The following NOTCH1 variants were observed in gnomAD, a reference collection of about 807,000 sequenced individuals.
NOTCH1 encodes the protein neurogenic locus notch homolog protein 1.
Under a neutral mutation model 254.8 loss-of-function variants are expected in NOTCH1, and 37 were observed. The ratio of observed to expected loss-of-function variants is 0.15; its 90% confidence interval spans 0.11 to 0.19. The LOEUF is 0.19. NOTCH1 is among the 10% of genes least tolerant of loss of function. The pLI, the probability that NOTCH1 is intolerant of heterozygous loss-of-function variation, is 1.00. For synonymous variants in NOTCH1, 1,731 were observed against 1,618.1 expected (o/e 1.07, Z -1.68); for missense variants, 2,972 against 3,708.6 (o/e 0.80, Z 5.16).
Position 136,509,049 on chromosome 9 carries a change from A to G in NOTCH1, c.2992T>C (p.Cys998Arg). Residue 998 changes from cysteine (C) to arginine (R), a missense_variant, in exon 19 of 34, where the codon TGC (cysteine) becomes CGC (arginine). Transcript: ENST00000651671. ...TESSCFNGGT[C>R]VDGINSFTCL... is the part of the protein sequence containing the mutation. ...GTGAACGAGTTGATGCCGTCCACGC[A>G]GGTGCCACCGTTGAAGCAGGAGCTG... 6.4e-7 allele frequency: 1 copy of G among 1,559,534 alleles called. No individual in the cohort carries two copies. The highest frequency in any genetic ancestry group is 8.7e-7 in the Non-Finnish European group (1 of 1,152,628).
intron 27 of NOTCH1, 85 bp from the exon 28 acceptor site, chr9:136,502,573 G>A: frequency 1.2e-6 from 1 of 845,128 alleles, no homozygotes; most frequent in South Asian, 1.9e-5. Context: ...CGGCGGACTG[G>A]CTCCGCGTCC....
rs893676686 is a variant in NOTCH1 at position 136,496,839 on chromosome 9, C to A, written c.6900G>T (p.Gly2300=). 6.2e-7 allele frequency: 1 copy of A among 1,612,968 alleles called. No homozygotes were observed. The highest frequency in any genetic ancestry group is 1.3e-5 in the African/African-American group (1 of 75,062). The part of the protein sequence containing the change: ...SGGALNFTVG[G]STSLNGQCEW... Reference sequence around the variant, plus strand: ...CGCATTGACCATTCAAACTGGTGGACCCGCCCACAGTGAAATTCAGGGCCC... The same window carrying A: ...CGCATTGACCATTCAAACTGGTGGAACCGCCCACAGTGAAATTCAGGGCCC... The change falls in exon 34 of 34, where the codon GGG becomes GGT. Residue 2300 remains glycine, a synonymous_variant. Coordinates refer to ENST00000651671, the MANE Select transcript of NOTCH1 (RefSeq NM_017617.5).
chr9:136,528,390 A>G (rs1202003432), intron 2 of NOTCH1, among the ~76,000 whole-genome samples: 8 of 98,990 alleles, frequency 8.1e-5, no homozygotes, highest in Admixed American at 2.2e-4. Flanking sequence ...GGGCAGGGAC[A>G]GTGGGGGGGG....
At chr9:136,528,183 T>C (rs549666522) in intron 2 of NOTCH1, among the ~76,000 whole-genome samples, 60 of 145,834 alleles carry the variant, frequency 4.1e-4, no homozygotes, top group African/African-American at 1.4e-3. Context: ...AAGGAGTTTA[T>C]GGTCATGCAG....
At chr9:136,526,871 G>A (rs1262396027) in intron 2 of NOTCH1, among the ~76,000 whole-genome samples, 6 of 152,210 alleles carry the variant, frequency 3.9e-5, no homozygotes, top group African/African-American at 9.6e-5. Flanking sequence ...TGCTCCCAGC[G>A]GGTGGGGCAG....
chr9:136,515,766 C>A (rs768294612), intron 10 of NOTCH1, 50 bp from the exon 11 acceptor site: 1 of 1,493,116 alleles, frequency 6.7e-7, no homozygotes, highest in South Asian at 1.2e-5. Context: ...TGGCGGCCCC[C>A]GGGACACCCA....
chr9:136,505,680 T>A lies in NOTCH1; in HGVS notation c.4216A>T (p.Thr1406Ser), dbSNP rs750536515. 2 of 1,610,410 alleles carry A rather than the reference T, an allele frequency of 1.2e-6. No homozygotes were observed. Among genetic ancestry groups the A allele is most frequent in the Admixed American group, 3.3e-5 (2 of 59,862 alleles). The part of the protein sequence containing the change: ...PCYNQGTCEP[T>S]SESPFYRCLC... ...CAACGGTAGAAGGGGCTCTCGGATG[T>A]GGGCTCACAGGTCCCCTGGTTGTAG... The change falls in exon 25 of 34, where the codon ACA becomes TCA. Residue 1406 changes from threonine (T) to serine (S), a missense_variant. Transcript: ENST00000651671.
chr9:136,502,426 A>C lies in NOTCH1; in HGVS notation c.5230T>G (p.Phe1744Val), dbSNP rs761586042. 1 of 1,609,256 alleles carries C rather than the reference A, an allele frequency of 6.2e-7. No homozygotes were observed. Among genetic ancestry groups the C allele is most frequent in the Non-Finnish European group, 8.5e-7 (1 of 1,178,650 alleles). Residue 1744 changes from phenylalanine to valine, a missense_variant, in exon 28 of 34, where the codon TTT becomes GTT. This residue lies in a region of NOTCH1 where 421 missense variants were observed against 604.4 expected (regional missense o/e 0.70). Transcript: ENST00000651671. ...CAGCCCACGAAGAACAGAAGCACAA[A>C]GGCGGCCGCCGCCACGTACATGAAG... Reference protein sequence around the residue: ...LHFMYVAAAAFVLLFFVGCGV... With the variant: ...LHFMYVAAAAVVLLFFVGCGV...
At chr9:136,526,305 G>A (rs1284713981) in intron 2 of NOTCH1, among the ~76,000 whole-genome samples, 8 of 152,252 alleles carry the variant, frequency 5.3e-5, no homozygotes, top group African/African-American at 1.4e-4. Context: ...ATTGTCAGGC[G>A]GGAGTTGGCC....
chr9:136,519,047 G>C (rs1414690576), intron 5 of NOTCH1, among the ~76,000 whole-genome samples: 1 of 152,204 alleles, frequency 6.6e-6, no homozygotes, highest in Non-Finnish European at 1.5e-5. Flanking sequence ...GTGCACCTTT[G>C]CCCGTCACCC....
chr9:136,522,832 G>A lies in NOTCH1; in HGVS notation c.742+18C>T, dbSNP rs1299726236. The A allele has an allele frequency of 6.8e-7, 1 of 1,466,254 alleles. No homozygotes were observed. The highest frequency in any genetic ancestry group is 1.4e-5 in the African/African-American group (1 of 71,410). 90.8% of individuals were successfully genotyped at this position (1,466,254 alleles called of 1,614,324 possible). ...GCCGGGGAGGGGCTCGTGCACCCCG[G>A]CCAGCGGGCAGCACTACCTGGCAGG... On this transcript the variant is annotated intron_variant, in intron 4 of 33. Transcript: ENST00000651671.
intron 2 of NOTCH1, among the ~76,000 whole-genome samples, chr9:136,528,685 A>C (rs1416674636): frequency 6.6e-6 from 1 of 151,836 alleles, no homozygotes; most frequent in African/African-American, 2.4e-5. Flanking sequence ...TGAAATCAGC[A>C]TCTTAACACA....
chr9:136,507,917 G>A lies in NOTCH1; in HGVS notation c.3510+38C>T, dbSNP rs371753785. 1.4e-4 allele frequency: 218 copies of A among 1,603,410 alleles called. No individual in the cohort carries two copies. The South Asian group carries it at 1.5e-3, about 11-fold the overall frequency. ...CAGGGCCTGGTGTGTGGCAACACTC[G>A]TGCCGGCCACAACCCTTACCCTAGG... On this transcript the variant is annotated intron_variant, in intron 21 of 33. Coordinates refer to ENST00000651671, the MANE Select transcript of NOTCH1 (RefSeq NM_017617.5).
At position 136,506,383 on chromosome 9, in the gene NOTCH1, TAA is replaced by T. The variant is rs10685223; in HGVS notation, c.4014+142_4014+143del. 4,755 of 593,234 alleles carry T rather than the reference TAA, an allele frequency of 8.0e-3. No homozygotes were observed. The highest frequency in any genetic ancestry group is 9.1e-3 in the South Asian group (433 of 47,622). 36.7% of individuals were successfully genotyped at this position (593,234 alleles called of 1,614,324 possible). On this transcript the variant is annotated intron_variant, in intron 24 of 33. Coordinates refer to ENST00000651671, the MANE Select transcript of NOTCH1 (RefSeq NM_017617.5). This position sits in a 1 kb window ranked among gnomAD's most constrained non-coding sequence, Gnocchi z 4.5. Reference sequence around the variant, plus strand: ...TGTCTCTAAAATCATTTATTGAAACTAAAAAAAAAAAAAAGACATCAGGGTGA... The same window carrying T: ...TGTCTCTAAAATCATTTATTGAAACTAAAAAAAAAAAAGACATCAGGGTGA...
intron 2 of NOTCH1, among the ~76,000 whole-genome samples, chr9:136,533,868 G>A (rs566635721): frequency 7.9e-5 from 12 of 152,384 alleles, no homozygotes; most frequent in African/African-American, 2.6e-4. Context: ...AGTGAGGGAC[G>A]CGCCAGTTTC....
At chr9:136,519,130 T>C (rs755939529) in intron 5 of NOTCH1, among the ~76,000 whole-genome samples, 18 of 152,234 alleles carry the variant, frequency 1.2e-4, no homozygotes, top group Non-Finnish European at 2.4e-4. Flanking sequence ...CCAGGAAGCG[T>C]GGCCTGAGTG....
In NOTCH1 at chr9:136,506,518, T is replaced by C. The variant is rs1843087537; in HGVS notation, c.4014+9A>G. The C allele has an allele frequency of 6.3e-7, 1 of 1,581,056 alleles. No individual in the cohort carries two copies. Among genetic ancestry groups the C allele is most frequent in the Non-Finnish European group, 8.6e-7 (1 of 1,164,750 alleles). The stretch of plus-strand genomic sequence containing the variant: ...GCGGGCCCCTGCCTCCCTGCACCCC[T>C]GCACCTACCGCAGGGCACTTGCAGA... On this transcript the variant is annotated intron_variant, in intron 24 of 33. Transcript: ENST00000651671. This position sits in a 1 kb window ranked among gnomAD's most constrained non-coding sequence, Gnocchi z 4.5.
chr9:136,506,253 A>T lies in NOTCH1; in HGVS notation c.4014+274T>A, dbSNP rs1843082641. On this transcript the variant is annotated intron_variant, in intron 24 of 33. Transcript: ENST00000651671. The surrounding 1 kb of genome is among the most constrained non-coding windows in gnomAD (Gnocchi z 4.5). ...GCTGTTGGTAACAATGTATCACTGA[A>T]ATCCAGAGTGAAATTGATGCAAGCT... Among the ~76,000 whole-genome samples the T allele has an allele frequency of 6.6e-6, 1 of 152,062 alleles. No homozygotes were observed. The highest frequency in any genetic ancestry group is 2.4e-5 in the African/African-American group (1 of 41,384).
Position 136,495,527 on chromosome 9 carries a change from T to C in NOTCH1, c.*544A>G. ...GTGCGGAAGGTGAGCCAGCTTTGCC[T>C]CCGTTTGCCTCTGGATGCAGCTTCT... is the stretch of plus-strand genomic sequence containing the variant. On this transcript the variant is annotated 3_prime_UTR_variant, in exon 34 of 34. Coordinates refer to ENST00000651671, the MANE Select transcript of NOTCH1 (RefSeq NM_017617.5). 1 of 399,546 alleles carries C rather than the reference T, an allele frequency of 2.5e-6. No individual in the cohort carries two copies. The highest frequency in any genetic ancestry group is 4.4e-5 in the Admixed American group (1 of 22,840). 24.8% of individuals were successfully genotyped at this position (399,546 alleles called of 1,614,324 possible).
Sources: allele counts gnomAD v4.1 joint callset (sites outside exome capture counted in the v4.1 genomes callset), GRCh38; gene constraint gnomAD v4.1.1; regional missense constraint gnomAD v4.1.1; non-coding constraint Gnocchi (gnomAD v3.1); transcripts MANE v1.5; gene names NCBI Gene and HGNC (gene_info 2026-07-23, HGNC 2026-07-21).